The following HFM1 variants were observed in gnomAD, a reference collection of about 807,000 sequenced individuals.
The protein encoded by HFM1 is helicase for meiosis 1.
HFM1 carries 169 observed loss-of-function variants against 192.1 expected under a neutral mutation model. The observed-to-expected ratio is 0.88, with a 90% CI of 0.78 to 1.00. HFM1 has a LOEUF of 1.00. Among genes scored for constraint, HFM1 ranks in the 50% least tolerant of loss-of-function variants. The pLI, the probability that HFM1 is intolerant of heterozygous loss-of-function variation, is 0.00. For missense variants in HFM1, 1,661 were observed against 1,668.0 expected, an observed-to-expected ratio of 1.00 and a Z score of 0.07; for synonymous variants, 525 against 537.8, an observed-to-expected ratio of 0.98 and a Z score of 0.33.
At chr1:91,362,415 C>T (rs532272404) in intron 13 of HFM1, among the ~76,000 whole-genome samples, 1 of 151,962 alleles carries the variant, frequency 6.6e-6, no homozygotes, top group East Asian at 1.9e-4. Flanking sequence ...AGTCAGAGAG[C>T]CAAACAGTGA....
intron 30 of HFM1, 23 bp downstream of exon 30, chr1:91,313,326 T>C (rs765752470): frequency 8.5e-6 from 12 of 1,418,146 alleles, no homozygotes; most frequent in Non-Finnish European, 1.1e-5. Flanking sequence ...TAATATAAAA[T>C]AGGAATTAAT....
chr1:91,401,237 T>C lies in HFM1; in HGVS notation c.-27-128A>G, dbSNP rs1482804691. 3 of 547,046 alleles carry C rather than the reference T, an allele frequency of 5.5e-6. No individual in the cohort carries two copies. The Admixed American group carries it at 1.1e-4, about 21-fold the overall frequency. The allele number at this position is 547,046 out of a possible 1,614,324, so 33.9% of individuals were successfully genotyped here. A position where few individuals can be genotyped will look rare whatever the true frequency, so the allele number is the denominator to read the frequency against. ...ACAGACTATCCTTCCAGCTTCATCG[T>C]CTGCAACTTCCTTCAAAGCACCTCA... On this transcript the variant is annotated intron_variant, in intron 1 of 38. Transcript: ENST00000370425.
At position 91,323,109 on chromosome 1, in the gene HFM1, T is replaced by G. The variant is rs1652381588; in HGVS notation, c.2518A>C (p.Asn840His). 6.4e-7 allele frequency: 1 copy of G among 1,560,728 alleles called. No individual in the cohort carries two copies. The highest frequency in any genetic ancestry group is 1.4e-5 in the African/African-American group (1 of 73,588). The part of the protein sequence containing the change: ...KTLNTLNKDP[N>H]RITIRFPMEG... ...TTTCTGTACCTGATAGTTATCCGAT[T>G]TGGATCTTTGTTCAAAGTATTCAGT... is the stretch of plus-strand genomic sequence containing the variant. Residue 840 changes from asparagine to histidine, a missense_variant, in exon 22 of 39, where the codon AAT becomes CAT. Asn to His is a moderately conservative substitution (Grantham distance 68). Transcript: ENST00000370425.
At chr1:91,363,606 C>T (rs937304024) in intron 13 of HFM1, among the ~76,000 whole-genome samples, 1 of 151,726 alleles carries the variant, frequency 6.6e-6, no homozygotes, top group Non-Finnish European at 1.5e-5. Flanking sequence ...ATTAGTTCAA[C>T]CATTGTGGAA....
intron 7 of HFM1, 107 bp from the exon 8 acceptor site, chr1:91,380,343 A>C: frequency 1.5e-6 from 1 of 661,376 alleles, no homozygotes; most frequent in Non-Finnish European, 2.4e-6. Flanking sequence ...TAATAGTTCA[A>C]ACATTTTTCC....
chr1:91,289,861 A>T (rs1668524026), intron 30 of HFM1, among the ~76,000 whole-genome samples: 1 of 152,126 alleles, frequency 6.6e-6, no homozygotes, highest in African/African-American at 2.4e-5. Context: ...AAAGAGGGAG[A>T]GGGAGACGAG....
chr1:91,261,317 T>C lies in HFM1; in HGVS notation c.4281A>G (p.Leu1427=), dbSNP rs376608073. The C allele has an allele frequency of 1.9e-4, 269 of 1,418,888 alleles. No homozygotes were observed. The African/African-American group carries it at 3.6e-3, about 19-fold the overall frequency. The allele number at this position is 1,418,888 out of a possible 1,614,324, so 87.9% of individuals were successfully genotyped here. A position where few individuals can be genotyped will look rare whatever the true frequency, so the allele number is the denominator to read the frequency against. The change falls in exon 39 of 39, where the codon TTA becomes TTG. Residue 1427 remains leucine, a synonymous_variant. Transcript: ENST00000370425. ...AGAAAATACCATCAAATATTCCCAA[T>C]AAAGACTTCATTTCATCAGCTTCAT... ...PDDEADEMKS[L]LGIFDGIF
chr1:91,288,964 G>GC (rs1283626609), intron 30 of HFM1, among the ~76,000 whole-genome samples: 1 of 151,212 alleles, frequency 6.6e-6, no homozygotes, highest in African/African-American at 2.4e-5. Context: ...GGGCAGAGGC[G>GC]CCCCCCACCT....
chr1:91,331,257 A>G (rs1390243909), intron 20 of HFM1, among the ~76,000 whole-genome samples: 3 of 152,238 alleles, frequency 2.0e-5, no homozygotes, highest in Admixed American at 2.0e-4. Context: ...ACTGTCAGAA[A>G]TAATAAATTC....
chr1:91,279,455 C>T (rs1667269777), intron 30 of HFM1, among the ~76,000 whole-genome samples: 1 of 152,236 alleles, frequency 6.6e-6, no homozygotes, highest in East Asian at 1.9e-4. Context: ...CACATTGTTG[C>T]TTATTTAATA....
chr1:91,354,770 T>G (rs1416521587), intron 13 of HFM1, among the ~76,000 whole-genome samples: 5 of 151,924 alleles, frequency 3.3e-5, no homozygotes, highest in African/African-American at 1.2e-4. Flanking sequence ...TGAGGAGAAA[T>G]AAAGTCTCAG....
In HFM1 at chr1:91,295,754, T is replaced by G. The variant is rs565505501; in HGVS notation, c.3391+17595A>C. ...TTTAACATAGTCAAATTCATTATGT[T>G]TTTATGGTTAGAAAGTTTTGTGCCC... On this transcript the variant is annotated intron_variant, in intron 30 of 38. Coordinates refer to ENST00000370425, the MANE Select transcript of HFM1 (RefSeq NM_001017975.6). Among the ~76,000 whole-genome samples the G allele has an allele frequency of 6.6e-5, 10 of 152,300 alleles. No homozygotes were observed. The South Asian group carries it at 2.1e-3, about 32-fold the overall frequency.
chr1:91,283,880 AT>A (rs1167139307), intron 30 of HFM1, among the ~76,000 whole-genome samples: 6 of 152,142 alleles, frequency 3.9e-5, no homozygotes, highest in Non-Finnish European at 7.4e-5. Context: ...ATAAATTCAA[AT>A]AATTTGGTCT....
intron 20 of HFM1, among the ~76,000 whole-genome samples, chr1:91,331,062 T>C (rs72968498): frequency 8.5e-5 from 13 of 152,266 alleles, no homozygotes; most frequent in African/African-American, 3.1e-4. Context: ...CTCTAAGATA[T>C]GGAATATGAC....
chr1:91,331,817 AC>A (rs1653869886), intron 20 of HFM1, among the ~76,000 whole-genome samples: 1 of 152,126 alleles, frequency 6.6e-6, no homozygotes, highest in South Asian at 2.1e-4. Flanking sequence ...AATCACTTGA[AC>A]CCGAGAGGCA....
Position 91,375,435 on chromosome 1 carries a change from T to A in HFM1, c.1608A>T (p.Thr536=). 1 of 1,613,114 alleles carries A rather than the reference T, an allele frequency of 6.2e-7. No individual in the cohort carries two copies. The highest frequency in any genetic ancestry group is 8.5e-7 in the Non-Finnish European group (1 of 1,179,408). Residue 536 remains threonine (T), a synonymous_variant, in exon 13 of 39, where the codon ACA becomes ACT. Coordinates refer to ENST00000370425, the MANE Select transcript of HFM1 (RefSeq NM_001017975.6). The part of the protein sequence containing the change: ...DQKPTLVFCA[T]RKGVQQAASV... ...AAGCAGCCTGTTGCACACCCTTCCT[T>A]GTTGCACAAAACTGAAAATAAATTC...
At chr1:91,327,562 G>A (rs1480612692) in intron 20 of HFM1, among the ~76,000 whole-genome samples, 1 of 152,148 alleles carries the variant, frequency 6.6e-6, no homozygotes, top group Non-Finnish European at 1.5e-5. Flanking sequence ...TTTCAGCACT[G>A]AACAGATCAT....
At chr1:91,280,802 G>A (rs951642838) in intron 30 of HFM1, among the ~76,000 whole-genome samples, 3 of 152,226 alleles carry the variant, frequency 2.0e-5, no homozygotes, top group Admixed American at 1.3e-4. Flanking sequence ...AATTGGGGAT[G>A]TAAGCAGCTA....
At chr1:91,348,126 A>G (rs1353021700) in intron 18 of HFM1, among the ~76,000 whole-genome samples, 3 of 152,150 alleles carry the variant, frequency 2.0e-5, no homozygotes, top group African/African-American at 4.8e-5. Flanking sequence ...ATGTGTGTAT[A>G]TGTGTGTATA....
Sources: gnomAD v4.1 joint callset for allele counts (sites outside exome capture counted in the v4.1 genomes callset) on GRCh38, gnomAD v4.1.1 for gene constraint, MANE v1.5 for transcripts, NCBI Gene and HGNC (gene_info 2026-07-23, HGNC 2026-07-21) for gene names.